BCKDHB: variants seen among roughly 807,000 people sequenced by gnomAD.
The protein encoded by BCKDHB is 2-oxoisovalerate dehydrogenase subunit beta, mitochondrial.
Under a neutral mutation model 48.5 loss-of-function variants are expected in BCKDHB, and 41 were observed. That is an observed-to-expected ratio of 0.85 (90% CI 0.66 to 1.10). The LOEUF (loss-of-function observed/expected upper bound fraction) is 1.10, where lower values mean the gene tolerates loss of function less well. Ranked by LOEUF, BCKDHB falls within the 50% of genes least tolerant of loss-of-function variation. The pLI is 0.00. For synonymous variants in BCKDHB, 201 were observed against 174.8 expected, an observed-to-expected ratio of 1.15 and a Z score of -1.18; for missense variants, 496 against 494.2, an observed-to-expected ratio of 1.00 and a Z score of -0.03.
At chr6:80,280,087 G>C (rs1027696738) in intron 9 of BCKDHB, among the ~76,000 whole-genome samples, 4 of 152,182 alleles carry the variant, frequency 2.6e-5, no homozygotes, top group African/African-American at 4.8e-5. Flanking sequence ...AGGCTGTAGC[G>C]TAAGGTAAGC....
chr6:80,209,329 A>G (rs1293689843), intron 8 of BCKDHB, among the ~76,000 whole-genome samples: 2 of 151,964 alleles, frequency 1.3e-5, no homozygotes, highest in African/African-American at 4.8e-5. Context: ...AGGAAAATTA[A>G]AGGCCCATAA....
intron 6 of BCKDHB, among the ~76,000 whole-genome samples, chr6:80,193,166 A>T: frequency 6.6e-6 from 1 of 152,250 alleles, no homozygotes; most frequent in African/African-American, 2.4e-5. Context: ...TTATCTCATT[A>T]TGCAAAAGAA....
At chr6:80,324,856 C>T (rs963195907) in intron 9 of BCKDHB, among the ~76,000 whole-genome samples, 1 of 152,126 alleles carries the variant, frequency 6.6e-6, no homozygotes, top group Non-Finnish European at 1.5e-5. Context: ...CTGATTAGAC[C>T]ATTAAGGTCG....
chr6:80,353,412 T>G, the BCKDHB span, among the ~76,000 whole-genome samples: 1 of 152,238 alleles, frequency 6.6e-6, no homozygotes, highest in Non-Finnish European at 1.5e-5. Flanking sequence ...GTGTGATCAC[T>G]GGATTGAATG....
chr6:80,442,700 A>G, the BCKDHB span, among the ~76,000 whole-genome samples: 6 of 152,242 alleles, frequency 3.9e-5, 1 homozygote, highest in South Asian at 1.2e-3. Flanking sequence ...CCATTAACAC[A>G]CTCAAGGCTA....
At chr6:80,150,890 T>C (rs1393250620) in intron 3 of BCKDHB, among the ~76,000 whole-genome samples, 1 of 152,194 alleles carries the variant, frequency 6.6e-6, no homozygotes, top group Non-Finnish European at 1.5e-5. Flanking sequence ...ATCTTTTTTA[T>C]TTAACTTCTT....
chr6:80,373,664 G>T, the BCKDHB span, among the ~76,000 whole-genome samples: 1 of 152,022 alleles, frequency 6.6e-6, no homozygotes, highest in Non-Finnish European at 1.5e-5. Flanking sequence ...AATAATAATT[G>T]TTTTTATAAA....
chr6:80,255,232 T>C (rs767181874), intron 8 of BCKDHB, among the ~76,000 whole-genome samples: 1 of 152,200 alleles, frequency 6.6e-6, no homozygotes, highest in Non-Finnish European at 1.5e-5. Flanking sequence ...TAAACTGTAA[T>C]ATGGAAAAGA....
chr6:80,452,635 T>C, the BCKDHB span, among the ~76,000 whole-genome samples: 1 of 152,186 alleles, frequency 6.6e-6, no homozygotes, highest in Non-Finnish European at 1.5e-5. Flanking sequence ...GAAGCATTCT[T>C]TAGTTCTTCA....
intron 9 of BCKDHB, among the ~76,000 whole-genome samples, chr6:80,296,055 T>C (rs1767224163): frequency 6.6e-6 from 1 of 152,236 alleles, no homozygotes; most frequent in Non-Finnish European, 1.5e-5. Flanking sequence ...GTCAACAAGA[T>C]TACTTTAGTG....
chr6:80,257,412 C>A (rs1777097820), intron 8 of BCKDHB, among the ~76,000 whole-genome samples: 1 of 128,908 alleles, frequency 7.8e-6, no homozygotes. Flanking sequence ...ATATATAATT[C>A]ATATATATTC....
the BCKDHB span, among the ~76,000 whole-genome samples, chr6:80,439,069 T>C: frequency 2.0e-5 from 3 of 152,224 alleles, no homozygotes; most frequent in East Asian, 5.8e-4. Flanking sequence ...CCCTGCCACA[T>C]ACAGAAAACA....
chr6:80,122,651 C>T (rs750296805), intron 1 of BCKDHB, among the ~76,000 whole-genome samples: 1 of 152,116 alleles, frequency 6.6e-6, no homozygotes, highest in Non-Finnish European at 1.5e-5. Context: ...GGAGTAGGTA[C>T]AAAGATCACA....
chr6:80,430,391 G>A, the BCKDHB span, among the ~76,000 whole-genome samples: 872 of 152,292 alleles, frequency 5.7e-3, 9 homozygotes, highest in African/African-American at 0.019. Flanking sequence ...ATGAGTTATG[G>A]AGGATTTGCT....
intron 3 of BCKDHB, among the ~76,000 whole-genome samples, chr6:80,142,787 G>T (rs1771288534): frequency 6.6e-6 from 1 of 152,028 alleles, no homozygotes; most frequent in Admixed American, 6.6e-5. Context: ...AAAACCACAT[G>T]CAGTGAAGGA....
intron 8 of BCKDHB, among the ~76,000 whole-genome samples, chr6:80,215,833 T>C (rs1239591474): frequency 2.6e-5 from 4 of 152,164 alleles, no homozygotes; most frequent in Non-Finnish European, 5.9e-5. Flanking sequence ...TCTCCGCCTC[T>C]GGGGTTCAAG....
chr6:80,433,289 C>T, the BCKDHB span, among the ~76,000 whole-genome samples: 4 of 152,168 alleles, frequency 2.6e-5, no homozygotes, highest in Non-Finnish European at 4.4e-5. Context: ...GGTGCTCTGT[C>T]CCAGGGAGAT....
chr6:80,182,863 T>A (rs1010131248), intron 6 of BCKDHB, among the ~76,000 whole-genome samples: 6 of 152,150 alleles, frequency 3.9e-5, no homozygotes, highest in Non-Finnish European at 1.5e-5. Context: ...ATAACTTGCT[T>A]TTTTTACCAA....
At chr6:80,267,186 T>C (rs138500242) in intron 8 of BCKDHB, among the ~76,000 whole-genome samples, 2 of 152,128 alleles carry the variant, frequency 1.3e-5, no homozygotes, top group Admixed American at 1.3e-4. Context: ...TAGAGTGAGG[T>C]TGGAGGATTA....
Sources: allele counts gnomAD v4.1 joint callset (sites outside exome capture counted in the v4.1 genomes callset), GRCh38; gene constraint gnomAD v4.1.1; transcripts MANE v1.5; gene names NCBI Gene and HGNC (gene_info 2026-07-23, HGNC 2026-07-21).